SLCO6A1: variants seen among roughly 807,000 people sequenced by gnomAD.
SLCO6A1 encodes solute carrier organic anion transporter family member 6A1.
In SLCO6A1, 65 loss-of-function variants were observed where a neutral mutation model predicts 72.7. The observed-to-expected ratio is 0.89, with a 90% CI of 0.73 to 1.10. The LOEUF (loss-of-function observed/expected upper bound fraction) is 1.10. Among genes scored for constraint, SLCO6A1 ranks in the 50% least tolerant of loss-of-function variants. The pLI is 0.00. For missense variants in SLCO6A1, 874 were observed against 872.6 expected (o/e 1.00, Z -0.02); for synonymous variants, 314 against 298.2 (o/e 1.05, Z -0.55).
intron 9 of SLCO6A1, among the ~76,000 whole-genome samples, chr5:102,406,339 C>T (rs1293710285): frequency 6.6e-6 from 1 of 151,896 alleles, no homozygotes; most frequent in African/African-American, 2.4e-5. Context: ...ATGCAAAATA[C>T]ACTTCAAGAA....
At chr5:102,488,531 C>T (rs1752538335) in intron 1 of SLCO6A1, among the ~76,000 whole-genome samples, 1 of 152,130 alleles carries the variant, frequency 6.6e-6, no homozygotes, top group Non-Finnish European at 1.5e-5. Flanking sequence ...TCTCATTCTG[C>T]TGAGAATATG....
chr5:102,442,292 T>C (rs530066884), intron 6 of SLCO6A1, among the ~76,000 whole-genome samples: 1 of 152,164 alleles, frequency 6.6e-6, no homozygotes, highest in East Asian at 1.9e-4. Flanking sequence ...AAGCCACAAG[T>C]AATGGATATG....
intron 10 of SLCO6A1, among the ~76,000 whole-genome samples, chr5:102,396,402 G>A (rs554379688): frequency 1.3e-5 from 2 of 152,234 alleles, no homozygotes; most frequent in Admixed American, 1.3e-4. Flanking sequence ...TAGCTTGTGA[G>A]GCTAGGCATC....
intron 6 of SLCO6A1, among the ~76,000 whole-genome samples, chr5:102,442,316 G>T (rs1210053351): frequency 3.3e-5 from 5 of 152,140 alleles, no homozygotes; most frequent in African/African-American, 1.2e-4. Flanking sequence ...GTTTGTGTGT[G>T]TATGTGTGTG....
chr5:102,482,147 T>C (rs1160433862), intron 1 of SLCO6A1, among the ~76,000 whole-genome samples: 2 of 152,210 alleles, frequency 1.3e-5, no homozygotes, highest in Non-Finnish European at 2.9e-5. Flanking sequence ...TTAATTCCCC[T>C]TCCGATTGAG....
chr5:102,498,533 G>C lies in SLCO6A1; in HGVS notation c.312C>G (p.Asn104Lys). The stretch of plus-strand genomic sequence containing the variant: ...AGTAGAAAATCATGAAGCAGCGAAT[G>C]TTATTGCAACACTCACAGCAGGTGC... ...LVSTCCECCN[N>K]IRCFMIFYCI... The change falls in exon 1 of 14, where the codon AAC (asparagine) becomes AAG (lysine). Residue 104 changes from asparagine to lysine, a missense_variant. Asn to Lys is a moderately conservative substitution (Grantham distance 94). Coordinates refer to ENST00000506729, the MANE Select transcript of SLCO6A1 (RefSeq NM_173488.5). 1 of 1,614,146 alleles carries C rather than the reference G, an allele frequency of 6.2e-7. No homozygotes were observed. Among genetic ancestry groups the C allele is most frequent in the Non-Finnish European group, 8.5e-7 (1 of 1,180,010 alleles).
At chr5:102,497,374 C>G (rs1024217167) in intron 1 of SLCO6A1, among the ~76,000 whole-genome samples, 2 of 152,132 alleles carry the variant, frequency 1.3e-5, no homozygotes, top group African/African-American at 2.4e-5. Flanking sequence ...TCATAGACAC[C>G]GTTTTCAACT....
intron 12 of SLCO6A1, among the ~76,000 whole-genome samples, chr5:102,375,602 G>A (rs1745739471): frequency 6.6e-6 from 1 of 152,130 alleles, no homozygotes; most frequent in African/African-American, 2.4e-5. Flanking sequence ...GGAATCAACA[G>A]GTGGAAACTT....
chr5:102,432,949 T>C (rs1749300053), intron 7 of SLCO6A1, among the ~76,000 whole-genome samples: 1 of 152,148 alleles, frequency 6.6e-6, no homozygotes, highest in African/African-American at 2.4e-5. Context: ...TTGCATATTT[T>C]TGTTCATTTT....
At chr5:102,438,223 C>A (rs946997379) in intron 7 of SLCO6A1, among the ~76,000 whole-genome samples, 2 of 151,730 alleles carry the variant, frequency 1.3e-5, no homozygotes, top group African/African-American at 4.8e-5. Context: ...CAACACAAAT[C>A]TAAAGAACAT....
intron 12 of SLCO6A1, among the ~76,000 whole-genome samples, chr5:102,377,584 A>G (rs1263306514): frequency 2.8e-4 from 43 of 151,960 alleles, no homozygotes; most frequent in Non-Finnish European, 1.5e-5. Flanking sequence ...ATCTATGTTA[A>G]TTTTATTAAT....
At chr5:102,436,158 C>T (rs529138173) in intron 7 of SLCO6A1, among the ~76,000 whole-genome samples, 22 of 152,242 alleles carry the variant, frequency 1.4e-4, no homozygotes, top group Admixed American at 3.3e-4. Flanking sequence ...TTTAGTTATT[C>T]CTCAGGAGTA....
intron 4 of SLCO6A1, among the ~76,000 whole-genome samples, chr5:102,475,004 T>TA (rs959130589): frequency 6.6e-6 from 1 of 151,996 alleles, no homozygotes; most frequent in Non-Finnish European, 1.5e-5. Flanking sequence ...GCAGTCGTTA[T>TA]AAAAAACAGT....
chr5:102,472,385 C>T (rs1434407033), intron 4 of SLCO6A1, among the ~76,000 whole-genome samples: 4 of 152,020 alleles, frequency 2.6e-5, no homozygotes, highest in East Asian at 3.9e-4. Flanking sequence ...AACTATTCTT[C>T]GTTATCTCAG....
intron 10 of SLCO6A1, among the ~76,000 whole-genome samples, chr5:102,392,765 A>AC (rs1399088930): frequency 1.3e-5 from 2 of 149,334 alleles, no homozygotes; most frequent in African/African-American, 5.1e-5. Context: ...ATAAACAACA[A>AC]AAAAAAAACT....
chr5:102,476,374 T>C (rs1751901762), intron 3 of SLCO6A1, among the ~76,000 whole-genome samples: 1 of 151,934 alleles, frequency 6.6e-6, no homozygotes, highest in Admixed American at 6.6e-5. Flanking sequence ...CAAGTAAGAG[T>C]TGATGTTACA....
Position 102,371,897 on chromosome 5 carries a change from C to T in SLCO6A1, c.*242G>A, listed in dbSNP as rs1223609677. On this transcript the variant is annotated 3_prime_UTR_variant, in exon 14 of 14. Transcript: ENST00000506729. ...TCTAAAATTATTAAACTTTAATTCT[C>T]CCAGTAAATCCTAAAAATTCTACAT... The T allele has an allele frequency of 6.6e-6, 1 of 151,928 alleles. No individual in the cohort carries two copies. The highest frequency in any genetic ancestry group is 2.4e-5 in the African/African-American group (1 of 41,416). The allele number at this position is 151,928 out of a possible 1,614,324, so 9.4% of individuals were successfully genotyped here. A position where few individuals can be genotyped will look rare whatever the true frequency, so the allele number is the denominator to read the frequency against.
chr5:102,428,228 T>C (rs1346698314), intron 7 of SLCO6A1, among the ~76,000 whole-genome samples: 1 of 151,922 alleles, frequency 6.6e-6, no homozygotes, highest in Non-Finnish European at 1.5e-5. Context: ...AAAATAGTTC[T>C]TGAAAAAAAG....
intron 12 of SLCO6A1, among the ~76,000 whole-genome samples, chr5:102,379,364 T>C (rs1199464711): frequency 6.6e-6 from 1 of 152,168 alleles, no homozygotes; most frequent in Admixed American, 6.6e-5. Context: ...GTCATGAAAA[T>C]ATTCTCCCAT....
Sources: allele counts gnomAD v4.1 joint callset (sites outside exome capture counted in the v4.1 genomes callset), GRCh38; gene constraint gnomAD v4.1.1; transcripts MANE v1.5; gene names NCBI Gene and HGNC (gene_info 2026-07-23, HGNC 2026-07-21).